Variants in STRIP2 observed in about 807,000 individuals in gnomAD.
The protein encoded by STRIP2 is striatin interacting protein 2, also known as striatin-interacting protein 2.
STRIP2 carries 84 observed loss-of-function variants against 107.1 expected under a neutral mutation model. That is an observed-to-expected ratio of 0.78 (90% confidence interval 0.66 to 0.94). STRIP2 has a LOEUF of 0.94. Ranked by LOEUF, STRIP2 falls within the 40% of genes least tolerant of loss-of-function variation. STRIP2 has a pLI of 0.00. For missense variants in STRIP2, 888 were observed against 1,034.2 expected (o/e 0.86, Z 1.94); for synonymous variants, 394 against 400.4 (o/e 0.98, Z 0.19).
chr7:129,458,144 T>C lies in STRIP2; in HGVS notation c.1039-71T>C. On this transcript the variant is annotated intron_variant, in intron 9 of 20. Coordinates refer to ENST00000249344, the MANE Select transcript of STRIP2 (RefSeq NM_020704.3). The surrounding 1 kb of genome is among the most constrained non-coding windows in gnomAD (Gnocchi z 4.6). ...CCTGAAATGTGGAGGCCTGTGGATA[T>C]GGGGTGGCCTCAGACAAGGATGCCC... 4 of 1,150,330 alleles carry C rather than the reference T, an allele frequency of 3.5e-6. No individual in the cohort carries two copies. Among genetic ancestry groups the C allele is most frequent in the South Asian group, 2.6e-5 (2 of 77,798 alleles). 71.3% of individuals were successfully genotyped at this position (1,150,330 alleles called of 1,614,324 possible).
intron 18 of STRIP2, among the ~76,000 whole-genome samples, chr7:129,478,341 C>G (rs894885567): frequency 2.0e-5 from 3 of 152,132 alleles, no homozygotes; most frequent in Non-Finnish European, 2.9e-5. Flanking sequence ...GAAACCCCAT[C>G]TCTACTAAAA....
At position 129,464,702 on chromosome 7, in the gene STRIP2, A is replaced by G. The variant is rs1798629420; in HGVS notation, c.1740A>G (p.Leu580=). 9.3e-6 allele frequency: 15 copies of G among 1,614,006 alleles called. No homozygotes were observed. The highest frequency in any genetic ancestry group is 1.2e-5 in the Non-Finnish European group (14 of 1,179,982). Residue 580 remains leucine, a synonymous_variant, in exon 16 of 21, where the codon CTA becomes CTG. Transcript: ENST00000249344. Reference sequence around the variant, plus strand: ...AGAGTATCTCTACCCTGCTTCTGCTACTCCTCAAACACTTCAAACTCAACC... The same window carrying G: ...AGAGTATCTCTACCCTGCTTCTGCTGCTCCTCAAACACTTCAAACTCAACC... The part of the protein sequence containing the change: ...IVKSISTLLL[L]LLKHFKLNHI...
intron 4 of STRIP2, 104 bp downstream of exon 4, chr7:129,451,851 C>A (rs1260977919): frequency 1.7e-5 from 24 of 1,415,730 alleles, no homozygotes; most frequent in Non-Finnish European, 2.3e-5. Flanking sequence ...AGCAAGGTTT[C>A]TTGCCTCTCA....
intron 18 of STRIP2, among the ~76,000 whole-genome samples, chr7:129,472,925 T>C (rs1798829439): frequency 6.6e-6 from 1 of 151,774 alleles, no homozygotes; most frequent in African/African-American, 2.4e-5. Context: ...TAGCGGGGAC[T>C]ACAGGCACGT....
chr7:129,468,615 G>GC lies in STRIP2; in HGVS notation c.1877+1169dup, dbSNP rs765393992. Among the ~76,000 whole-genome samples the GC allele has an allele frequency of 1.1e-3, 174 of 152,232 alleles. 1 individual carries two copies. The highest frequency in any genetic ancestry group is 8.4e-4 in the Non-Finnish European group (57 of 68,020). ...TAACAATACGGAGACCTGTGCACTG[G>GC]CCCCTTTAAAACTGGCACTTCAGAT... On this transcript the variant is annotated intron_variant, in intron 17 of 20. Coordinates refer to ENST00000249344, the MANE Select transcript of STRIP2 (RefSeq NM_020704.3).
rs376867444 is a variant in STRIP2 at position 129,483,024 on chromosome 7, C to G, written c.2232C>G (p.Asn744Lys). The G allele has an allele frequency of 6.2e-7, 1 of 1,614,202 alleles. No individual in the cohort carries two copies. The highest frequency in any genetic ancestry group is 8.5e-7 in the Non-Finnish European group (1 of 1,180,032). ...AIYQKVRHRM[N>K]DDWAYGNDID... ...ACCAGAAAGTGCGTCACCGCATGAA[C>G]GATGACTGGGCTTACGGGAATGGTG... Residue 744 changes from asparagine (N) to lysine (K), a missense_variant, in exon 20 of 21, where the codon AAC becomes AAG. Asn to Lys is a moderately conservative substitution (Grantham distance 94). Coordinates refer to ENST00000249344, the MANE Select transcript of STRIP2 (RefSeq NM_020704.3). This position sits in a 1 kb window ranked among gnomAD's most constrained non-coding sequence, Gnocchi z 5.1.
chr7:129,455,809 T>G (rs1798331033), intron 8 of STRIP2, among the ~76,000 whole-genome samples: 1 of 152,152 alleles, frequency 6.6e-6, no homozygotes, highest in Non-Finnish European at 1.5e-5. Context: ...ATAAAAATAA[T>G]TTTTTCTTAC....
intron 17 of STRIP2, among the ~76,000 whole-genome samples, chr7:129,469,853 C>T (rs1798751791): frequency 6.6e-6 from 1 of 152,200 alleles, no homozygotes; most frequent in Non-Finnish European, 1.5e-5. Context: ...TTTCCAGCTG[C>T]ACTAGTTCAG....
At chr7:129,463,521 A>G (rs1320195725) in intron 14 of STRIP2, among the ~76,000 whole-genome samples, 1 of 146,274 alleles carries the variant, frequency 6.8e-6, no homozygotes, top group African/African-American at 2.6e-5. Context: ...TTTGAAGTGG[A>G]GTCTCACTCT....
Position 129,483,210 on chromosome 7 carries a change from C to T in STRIP2, c.2254+164C>T. On this transcript the variant is annotated intron_variant, in intron 20 of 20. Transcript: ENST00000249344. The surrounding 1 kb of genome is among the most constrained non-coding windows in gnomAD (Gnocchi z 5.1). ...GATACACCAAACTTTAAGGTTATGC[C>T]TCAAATTCTAGTATGTACCCTTGTC... The T allele has an allele frequency of 1.4e-6, 2 of 1,425,944 alleles. No homozygotes were observed. The highest frequency in any genetic ancestry group is 1.8e-6 in the Non-Finnish European group (2 of 1,092,054). 88.3% of individuals were successfully genotyped at this position (1,425,944 alleles called of 1,614,324 possible).
chr7:129,485,535 T>A, intron 20 of STRIP2, 44 bp from the exon 21 acceptor site: 2 of 1,607,016 alleles, frequency 1.2e-6, no homozygotes, highest in Non-Finnish European at 8.5e-7. Flanking sequence ...AGAGGAGCAG[T>A]GTCTTGCATT....
In STRIP2 at chr7:129,464,719, A is replaced by G. The variant is rs142740319; in HGVS notation, c.1757A>G (p.Lys586Arg). 1.9e-5 allele frequency: 31 copies of G among 1,614,024 alleles called. No homozygotes were observed. Among genetic ancestry groups the G allele is most frequent in the African/African-American group, 2.7e-5 (2 of 74,968 alleles). The part of the protein sequence containing the change: ...TLLLLLLKHF[K>R]LNHIYQFEYV... ...CTTCTGCTACTCCTCAAACACTTCAAACTCAACCATATCTACCAGGTGAGC... is the reference window on the plus strand; with the variant it reads ...CTTCTGCTACTCCTCAAACACTTCAGACTCAACCATATCTACCAGGTGAGC... Residue 586 changes from lysine (K) to arginine (R), a missense_variant, in exon 16 of 21, where the codon AAA becomes AGA. By Grantham distance (26) the Lys-to-Arg change is conservative. Transcript: ENST00000249344.
chr7:129,464,884 G>T (rs1798633957), intron 16 of STRIP2, 146 bp downstream of exon 16: 2 of 1,055,424 alleles, frequency 1.9e-6, no homozygotes, highest in Non-Finnish European at 2.8e-6. Flanking sequence ...GCCACCCATT[G>T]CATGAGCTTG....
chr7:129,474,305 T>A (rs1261074824), intron 18 of STRIP2, among the ~76,000 whole-genome samples: 3 of 152,110 alleles, frequency 2.0e-5, no homozygotes, highest in African/African-American at 7.2e-5. Context: ...TATGCTTGGC[T>A]AATTTTTAAA....
At chr7:129,474,685 A>G (rs1012807210) in intron 18 of STRIP2, among the ~76,000 whole-genome samples, 1 of 151,964 alleles carries the variant, frequency 6.6e-6, no homozygotes, top group Non-Finnish European at 1.5e-5. Flanking sequence ...TAATTTTTGT[A>G]CTTTTTAGTG....
chr7:129,466,490 A>G (rs1052762790), intron 16 of STRIP2, among the ~76,000 whole-genome samples: 3 of 152,178 alleles, frequency 2.0e-5, no homozygotes, highest in Middle Eastern at 3.4e-3. Flanking sequence ...TTAAAACACC[A>G]TAGTTCTCTG....
chr7:129,457,094 C>T (rs1295725975), intron 9 of STRIP2, among the ~76,000 whole-genome samples: 1 of 152,162 alleles, frequency 6.6e-6, no homozygotes. Flanking sequence ...GAACCAAAGG[C>T]TTACATTTAA....
intron 12 of STRIP2, among the ~76,000 whole-genome samples, 158 bp downstream of exon 12, chr7:129,459,738 C>T (rs1317659706): frequency 1.3e-5 from 2 of 152,172 alleles, no homozygotes; most frequent in South Asian, 2.1e-4. Context: ...AAAATTAGGT[C>T]TCTCTTTACT....
intron 3 of STRIP2, among the ~76,000 whole-genome samples, chr7:129,451,085 C>T (rs1019075830): frequency 1.1e-4 from 16 of 151,244 alleles, no homozygotes; most frequent in Non-Finnish European, 1.8e-4. Flanking sequence ...TACAGGCGCC[C>T]GCCACTACGC....
Sources: gnomAD v4.1 joint callset for allele counts (sites outside exome capture counted in the v4.1 genomes callset) on GRCh38, gnomAD v4.1.1 for gene constraint, Gnocchi (gnomAD v3.1) non-coding constraint, MANE v1.5 for transcripts, NCBI Gene and HGNC (gene_info 2026-07-23, HGNC 2026-07-21) for gene names.